Variants in RBFOX1 observed in about 807,000 individuals in gnomAD.
RBFOX1 encodes the protein RNA binding fox-1 homolog 1.
In RBFOX1, 8 loss-of-function variants were observed where a neutral mutation model predicts 57.7. The observed-to-expected ratio is 0.14, with a 90% CI of 0.08 to 0.25. RBFOX1 has a LOEUF of 0.25. RBFOX1 is among the 10% of genes least tolerant of loss of function. RBFOX1 has a pLI of 1.00. For missense variants in RBFOX1, 611 were observed against 548.5 expected (o/e 1.11, Z -1.14); for synonymous variants, 326 against 222.4 (o/e 1.47, Z -4.15).
intron 3 of RBFOX1, among the ~76,000 whole-genome samples, chr16:6,958,895 A>G (rs1321831857): frequency 1.3e-5 from 2 of 152,158 alleles, no homozygotes; most frequent in Non-Finnish European, 2.9e-5. Context: ...GAAATGATAC[A>G]GGTAAAATTA....
At chr16:5,684,556 C>T (rs1300403287) in intron 3 of RBFOX1, among the ~76,000 whole-genome samples, 3 of 152,108 alleles carry the variant, frequency 2.0e-5, no homozygotes, top group Non-Finnish European at 4.4e-5. Context: ...TCTCTTGGTT[C>T]CCTCAAGCTT....
intron 4 of RBFOX1, among the ~76,000 whole-genome samples, chr16:7,460,387 ATATGTGTGTG>A (rs1419125247): frequency 4.0e-5 from 3 of 75,498 alleles, no homozygotes; most frequent in Non-Finnish European, 6.5e-5. Flanking sequence ...ATATATATAT[ATATGTGTGTG>A]TGTGTGTGTG....
chr16:7,710,505 G>A (rs957820273), intron 15 of RBFOX1, 118 bp from the exon 16 acceptor site: 3 of 1,569,520 alleles, frequency 1.9e-6, no homozygotes, highest in Non-Finnish European at 1.7e-6. Flanking sequence ...GGATGGGTAG[G>A]GGGTGCCTCC....
At chr16:5,884,950 G>A (rs1327923228) in intron 4 of RBFOX1, among the ~76,000 whole-genome samples, 1 of 152,204 alleles carries the variant, frequency 6.6e-6, no homozygotes, top group Non-Finnish European at 1.5e-5. Flanking sequence ...TGGTGGTGCT[G>A]TAGGGATACC....
chr16:7,346,048 A>G (rs529863195), intron 4 of RBFOX1, among the ~76,000 whole-genome samples: 23 of 152,176 alleles, frequency 1.5e-4, no homozygotes, highest in African/African-American at 3.4e-4. Context: ...TCATTGTTCA[A>G]TTCCCACCTG....
At chr16:5,481,310 T>G (rs1206108973) in intron 2 of RBFOX1, among the ~76,000 whole-genome samples, 1 of 152,148 alleles carries the variant, frequency 6.6e-6, no homozygotes, top group Admixed American at 6.5e-5. Flanking sequence ...CATGACCTAT[T>G]TCCTTGGAAT....
At chr16:7,343,354 A>G (rs1383259763) in intron 4 of RBFOX1, among the ~76,000 whole-genome samples, 1 of 152,096 alleles carries the variant, frequency 6.6e-6, no homozygotes, top group Non-Finnish European at 1.5e-5. Flanking sequence ...AGGGAGGAGC[A>G]TGGGACTCCA....
intron 1 of RBFOX1, among the ~76,000 whole-genome samples, chr16:6,316,615 G>A (rs1425185307): frequency 6.6e-6 from 1 of 152,152 alleles, no homozygotes; most frequent in Admixed American, 6.6e-5. Context: ...AACACCTCCT[G>A]TGACAAGAAC....
At chr16:5,338,816 C>A (rs1276885823) in intron 1 of RBFOX1, among the ~76,000 whole-genome samples, 1 of 152,068 alleles carries the variant, frequency 6.6e-6, no homozygotes, top group African/African-American at 2.4e-5. Context: ...GCTACCACAC[C>A]TGCCTATTTT....
chr16:7,387,078 T>C (rs1214787313), intron 4 of RBFOX1, among the ~76,000 whole-genome samples: 1 of 152,178 alleles, frequency 6.6e-6, no homozygotes, highest in Admixed American at 6.5e-5. Context: ...TGGGGTTGTT[T>C]TTTTCTTGTA....
intron 2 of RBFOX1, chr16:5,598,832 T>A (rs1296103800): frequency 8.1e-7 from 1 of 1,230,660 alleles, no homozygotes; most frequent in African/African-American, 1.5e-5. Flanking sequence ...ACTGGGTTAC[T>A]CAAGGTTAGA....
At chr16:5,842,352 A>G (rs1234455008) in intron 3 of RBFOX1, among the ~76,000 whole-genome samples, 2 of 152,072 alleles carry the variant, frequency 1.3e-5, no homozygotes, top group Non-Finnish European at 2.9e-5. Context: ...GGTTTAGGGA[A>G]TTTTGTTCTC....
intron 3 of RBFOX1, among the ~76,000 whole-genome samples, chr16:5,656,959 C>T (rs954490703): frequency 8.6e-5 from 13 of 152,042 alleles, no homozygotes; most frequent in African/African-American, 1.7e-4. Flanking sequence ...GGAGGGAGAA[C>T]GTTAGGACAA....
rs2084149171 is a variant in RBFOX1, at chr16:7,712,512, TAG to T, written c.*1768_*1769del. 1 of 152,540 alleles carries T rather than the reference TAG, an allele frequency of 6.6e-6. No homozygotes were observed. The highest frequency in any genetic ancestry group is 1.5e-5 in the Non-Finnish European group (1 of 68,038). 9.4% of individuals were successfully genotyped at this position (152,540 alleles called of 1,614,324 possible). ...ACAAGATTTGAAAACAAAGTTTCTG[TAG>T]CTTCGATACCTAAGACAGACGATAG... On this transcript the variant is annotated 3_prime_UTR_variant, in exon 16 of 16. Transcript: ENST00000550418.
intron 3 of RBFOX1, among the ~76,000 whole-genome samples, chr16:6,919,193 G>C (rs2073919436): frequency 6.6e-6 from 1 of 152,056 alleles, no homozygotes; most frequent in Non-Finnish European, 1.5e-5. Context: ...ATGTTGGCCA[G>C]GCTGGTCTTG....
chr16:5,750,618 G>A (rs924066819), intron 3 of RBFOX1, among the ~76,000 whole-genome samples: 1 of 152,224 alleles, frequency 6.6e-6, no homozygotes, highest in African/African-American at 2.4e-5. Flanking sequence ...ATCTCAGACG[G>A]CTGTGCTAGC....
At chr16:5,501,443 A>C (rs1185358852) in intron 2 of RBFOX1, among the ~76,000 whole-genome samples, 7 of 151,756 alleles carry the variant, frequency 4.6e-5, no homozygotes, top group African/African-American at 1.7e-4. Flanking sequence ...CTGTCGATCT[A>C]GTGGAAGGGT....
chr16:7,624,455 T>C (rs1779475614), intron 10 of RBFOX1, among the ~76,000 whole-genome samples: 1 of 152,228 alleles, frequency 6.6e-6, no homozygotes, highest in Non-Finnish European at 1.5e-5. Flanking sequence ...ATGTATACAT[T>C]TGTTACTGAA....
intron 4 of RBFOX1, among the ~76,000 whole-genome samples, chr16:7,179,096 T>C (rs761754294): frequency 2.0e-5 from 3 of 152,178 alleles, no homozygotes; most frequent in Non-Finnish European, 4.4e-5. Context: ...AAGTTCAACT[T>C]CGTTTTGGTC....
Sources: gnomAD v4.1 joint callset for allele counts (sites outside exome capture counted in the v4.1 genomes callset) on GRCh38, gnomAD v4.1.1 for gene constraint, MANE v1.5 for transcripts, NCBI Gene and HGNC (gene_info 2026-07-23, HGNC 2026-07-21) for gene names.